Variants in RYR2 observed in about 807,000 individuals in gnomAD.
RYR2 encodes the protein ryanodine receptor 2, also known as cardiac muscle ryanodine receptor-calcium release channel.
Under a neutral mutation model 601.1 loss-of-function variants are expected in RYR2, and 227 were observed. The observed-to-expected ratio is 0.38, with a 90% CI of 0.34 to 0.42. The LOEUF (loss-of-function observed/expected upper bound fraction) is 0.42. Among genes scored for constraint, RYR2 ranks in the 10% least tolerant of loss-of-function variants. The pLI is 1.00. For synonymous variants in RYR2, 2,223 were observed against 2,175.1 expected (o/e 1.02, Z -0.61); for missense variants, 4,646 against 6,156.5 (o/e 0.75, Z 8.21).
At chr1:237,544,378 G>A (rs922319483) in intron 25 of RYR2, among the ~76,000 whole-genome samples, 1 of 152,270 alleles carries the variant, frequency 6.6e-6, no homozygotes, top group South Asian at 2.1e-4. Flanking sequence ...GTTTGAGAAA[G>A]TAGAATGTAA....
chr1:237,615,520 A>G (rs1006776576), intron 37 of RYR2, among the ~76,000 whole-genome samples: 7 of 152,176 alleles, frequency 4.6e-5, no homozygotes, highest in African/African-American at 1.7e-4. Context: ...GGAATCAGAC[A>G]CACTGGCTGT....
At chr1:237,284,076 C>T (rs1558552934) in intron 2 of RYR2, among the ~76,000 whole-genome samples, 1 of 152,146 alleles carries the variant, frequency 6.6e-6, no homozygotes, top group Non-Finnish European at 1.5e-5. Flanking sequence ...TAAGTTACTT[C>T]ACTTAGAATA....
intron 24 of RYR2, among the ~76,000 whole-genome samples, chr1:237,517,911 A>G (rs933118347): frequency 6.6e-6 from 1 of 152,120 alleles, no homozygotes; most frequent in Non-Finnish European, 1.5e-5. Flanking sequence ...GATATTGCAA[A>G]TGTACCTCAA....
At chr1:237,134,171 T>G (rs1321656518) in intron 1 of RYR2, among the ~76,000 whole-genome samples, 3 of 152,200 alleles carry the variant, frequency 2.0e-5, no homozygotes, top group African/African-American at 4.8e-5. Context: ...TTGAAGTTCC[T>G]GGCACAGAAT....
intron 28 of RYR2, among the ~76,000 whole-genome samples, chr1:237,568,307 G>A (rs918697557): frequency 9.2e-5 from 14 of 152,096 alleles, no homozygotes; most frequent in Non-Finnish European, 1.6e-4. Context: ...TTGCATTGGC[G>A]ACTCTGTCTG....
intron 63 of RYR2, among the ~76,000 whole-genome samples, chr1:237,689,571 C>T (rs1222282664): frequency 2.6e-5 from 4 of 152,110 alleles, no homozygotes; most frequent in African/African-American, 9.7e-5. Flanking sequence ...AACATTAGTT[C>T]CTTCCCTGTG....
chr1:237,378,560 T>C (rs1349352152), intron 8 of RYR2, among the ~76,000 whole-genome samples: 1 of 152,228 alleles, frequency 6.6e-6, no homozygotes, highest in African/African-American at 2.4e-5. Context: ...TGTGTGATGA[T>C]TGAAACAAAA....
At chr1:237,535,205 G>T (rs574102253) in intron 25 of RYR2, among the ~76,000 whole-genome samples, 1 of 151,822 alleles carries the variant, frequency 6.6e-6, no homozygotes, top group African/African-American at 2.4e-5. Flanking sequence ...AATGAATTTG[G>T]TGGGGGCGGG....
intron 17 of RYR2, among the ~76,000 whole-genome samples, 179 bp from the exon 18 acceptor site, chr1:237,491,627 A>T (rs190829535): frequency 2.3e-4 from 35 of 152,182 alleles, no homozygotes; most frequent in Non-Finnish European, 4.1e-4. Context: ...TCATCTTTGG[A>T]TATTAGTCCC....
chr1:237,061,802 GT>G (rs984864141), intron 1 of RYR2, among the ~76,000 whole-genome samples: 18 of 147,368 alleles, frequency 1.2e-4, no homozygotes, highest in African/African-American at 1.7e-4. Flanking sequence ...ATGGTTTGTG[GT>G]TTTTTTTTTG....
intron 14 of RYR2, among the ~76,000 whole-genome samples, chr1:237,453,253 C>G (rs2893583): frequency 0.52 from 79,339 of 151,790 alleles, 22,146 homozygotes; most frequent in East Asian, 0.74. Flanking sequence ...GAATTCTGTT[C>G]ATATATAATT....
chr1:237,364,437 A>G (rs1700038354), intron 5 of RYR2, 65 bp downstream of exon 5: 2 of 872,630 alleles, frequency 2.3e-6, no homozygotes, highest in Admixed American at 2.7e-5. Flanking sequence ...TATGGATTAT[A>G]TATGTATGTA....
intron 1 of RYR2, among the ~76,000 whole-genome samples, chr1:237,066,031 A>T (rs1663567026): frequency 6.6e-6 from 1 of 152,218 alleles, no homozygotes; most frequent in South Asian, 2.1e-4. Flanking sequence ...AACATTGGGG[A>T]TTACAATTTG....
chr1:237,463,586 A>C (rs1349255617), intron 16 of RYR2, among the ~76,000 whole-genome samples: 1 of 152,168 alleles, frequency 6.6e-6, no homozygotes, highest in African/African-American at 2.4e-5. Flanking sequence ...CATTTCTATA[A>C]TCTCATAACT....
chr1:237,578,449 T>G (rs1170206040), intron 29 of RYR2, among the ~76,000 whole-genome samples: 2 of 152,142 alleles, frequency 1.3e-5, no homozygotes, highest in Non-Finnish European at 2.9e-5. Flanking sequence ...AACTCCCTAG[T>G]GTTTGATTGC....
intron 63 of RYR2, among the ~76,000 whole-genome samples, chr1:237,688,223 C>T (rs1036744117): frequency 5.3e-5 from 8 of 152,128 alleles, no homozygotes; most frequent in Middle Eastern, 6.8e-3. Flanking sequence ...TATAAACTGC[C>T]GAAGAAAATG....
intron 27 of RYR2, among the ~76,000 whole-genome samples, chr1:237,564,280 CT>C (rs1278322630): frequency 6.6e-6 from 1 of 151,950 alleles, no homozygotes; most frequent in Non-Finnish European, 1.5e-5. Context: ...TTCTTTCTTT[CT>C]TTTTTTAAAC....
At chr1:237,574,273 A>G (rs964900617) in intron 29 of RYR2, among the ~76,000 whole-genome samples, 2 of 152,192 alleles carry the variant, frequency 1.3e-5, no homozygotes, top group Non-Finnish European at 2.9e-5. Flanking sequence ...AAGTTTTTCC[A>G]TGAATTCTTG....
intron 24 of RYR2, 40 bp downstream of exon 24, chr1:237,511,831 C>CA: frequency 1.5e-6 from 1 of 668,820 alleles, no homozygotes; most frequent in Non-Finnish European, 2.1e-6. Context: ...ACCTGCCTTC[C>CA]CTGAAAAAAA....
Sources: allele counts gnomAD v4.1 joint callset (sites outside exome capture counted in the v4.1 genomes callset), GRCh38; gene constraint gnomAD v4.1.1; transcripts MANE v1.5; gene names NCBI Gene and HGNC (gene_info 2026-07-23, HGNC 2026-07-21).